The following LRP1B variants were observed in gnomAD, a reference collection of about 807,000 sequenced individuals.
The protein encoded by LRP1B is LDL receptor related protein 1B.
In LRP1B, 217 loss-of-function variants were observed where a neutral mutation model predicts 556.6. The ratio of observed to expected loss-of-function variants is 0.39; its 90% confidence interval spans 0.35 to 0.44. The LOEUF (loss-of-function observed/expected upper bound fraction) is 0.44, where lower values mean the gene tolerates loss of function less well. LRP1B is among the 20% of genes least tolerant of loss of function. The pLI is 1.00. For missense variants in LRP1B, 5,053 were observed against 5,620.8 expected, an observed-to-expected ratio of 0.90 and a Z score of 3.23; for synonymous variants, 2,047 against 1,865.8, an observed-to-expected ratio of 1.10 and a Z score of -2.50.
chr2:140,540,048 A>T (rs1363783444), intron 45 of LRP1B, among the ~76,000 whole-genome samples: 1 of 152,126 alleles, frequency 6.6e-6, no homozygotes, highest in Non-Finnish European at 1.5e-5. Context: ...ACTTGCATTG[A>T]AGAGCAGGTA....
rs1254497924 is a variant in LRP1B, at chr2:141,866,200, CAAT to C, written c.83-55802_83-55800del. 2.6e-5 allele frequency among the ~76,000 whole-genome samples: 4 copies of C among 152,238 alleles called. No individual in the cohort carries two copies. In the East Asian group the frequency reaches 7.7e-4, roughly 29 times the overall value. Reference sequence around the variant, plus strand: ...ATGAATAGAAATCCCTTTCTCTCAGCAATTATGTAGAATACTGTGCTGTCTTTC... The same window carrying C: ...ATGAATAGAAATCCCTTTCTCTCAGCTATGTAGAATACTGTGCTGTCTTTC... On this transcript the variant is annotated intron_variant, in intron 1 of 90. Coordinates refer to ENST00000389484, the MANE Select transcript of LRP1B (RefSeq NM_018557.3).
chr2:140,513,521 T>C (rs2104928183), intron 51 of LRP1B, among the ~76,000 whole-genome samples: 1 of 152,152 alleles, frequency 6.6e-6, no homozygotes, highest in Middle Eastern at 3.4e-3. Context: ...AGCTTTTTGA[T>C]AGTGATCTTT....
intron 1 of LRP1B, among the ~76,000 whole-genome samples, chr2:142,088,353 G>A (rs1706024305): frequency 6.6e-6 from 1 of 152,030 alleles, no homozygotes; most frequent in South Asian, 2.1e-4. Context: ...ACTATTAGTT[G>A]GTTTTAGTAT....
chr2:140,316,432 T>C (rs921253015), intron 82 of LRP1B, among the ~76,000 whole-genome samples: 15 of 152,122 alleles, frequency 9.9e-5, no homozygotes, highest in Admixed American at 9.8e-4. Context: ...AAATAGAAAC[T>C]GTCAGCAGTG....
At chr2:141,035,445 C>T (rs1698504964) in intron 11 of LRP1B, among the ~76,000 whole-genome samples, 1 of 151,878 alleles carries the variant, frequency 6.6e-6, no homozygotes, top group Non-Finnish European at 1.5e-5. Flanking sequence ...TATATTTAGT[C>T]CCTCGTTTCA....
chr2:141,634,913 A>G (rs1689052485), intron 2 of LRP1B, among the ~76,000 whole-genome samples: 1 of 151,976 alleles, frequency 6.6e-6, no homozygotes, highest in Non-Finnish European at 1.5e-5. Flanking sequence ...TTATTATTAG[A>G]GTGGTGGTTA....
At chr2:140,404,716 C>T (rs1288850762) in intron 66 of LRP1B, among the ~76,000 whole-genome samples, 1 of 152,082 alleles carries the variant, frequency 6.6e-6, no homozygotes, top group African/African-American at 2.4e-5. Flanking sequence ...TTCATATAAA[C>T]TCAAGATAAG....
chr2:140,665,611 C>A (rs522410), intron 41 of LRP1B, among the ~76,000 whole-genome samples: 1 of 152,160 alleles, frequency 6.6e-6, no homozygotes, highest in Admixed American at 6.6e-5. Flanking sequence ...TATTGCAGAG[C>A]TTTTGGGGAA....
At chr2:141,697,912 C>T (rs1399424580) in intron 2 of LRP1B, among the ~76,000 whole-genome samples, 1 of 151,928 alleles carries the variant, frequency 6.6e-6, no homozygotes, top group Admixed American at 6.6e-5. Flanking sequence ...TATCATGATG[C>T]TAATGCTAGC....
At chr2:141,330,360 C>CTT (rs76689123) in intron 3 of LRP1B, among the ~76,000 whole-genome samples, 89,400 of 151,766 alleles carry the variant, frequency 0.59, 27,375 homozygotes, top group African/African-American at 0.71. Context: ...GTTAACAACT[C>CTT]ATTAACCAGA....
rs1690765480 is a variant in LRP1B at position 140,532,929 on chromosome 2, G to GATATATATATACATATATATATATATAT, written c.7762+1091_7762+1092insATATATATATATATATGTATATATATAT. 1.6e-4 allele frequency among the ~76,000 whole-genome samples: 8 copies of GATATATATATACATATATATATATATAT among 50,408 alleles called. 1 individual carries two copies. The highest frequency in any genetic ancestry group is 2.0e-3 in the East Asian group (2 of 1,022). The allele number at this position is 50,408 out of a possible 152,430, so 33.1% of individuals were successfully genotyped here. A position where few individuals can be genotyped will look rare whatever the true frequency, so the allele number is the denominator to read the frequency against. Reference sequence around the variant, plus strand: ...TCTTACGTGTGCAATCACAGCACAAGATATATATATATATATATACACATA... The same window carrying GATATATATATACATATATATATATATAT: ...TCTTACGTGTGCAATCACAGCACAAGATATATATATACATATATATATATATATATATATATATATATATATACACATA... On this transcript the variant is annotated intron_variant, in intron 47 of 90. Coordinates refer to ENST00000389484, the MANE Select transcript of LRP1B (RefSeq NM_018557.3).
chr2:142,054,612 G>A (rs1388929832), intron 1 of LRP1B, among the ~76,000 whole-genome samples: 1 of 152,080 alleles, frequency 6.6e-6, no homozygotes, highest in African/African-American at 2.4e-5. Flanking sequence ...AGTCAAATTC[G>A]GCTTGTATTA....
In LRP1B at chr2:140,270,416, ACT is replaced by A. The variant is rs1682404964; in HGVS notation, c.13143-72_13143-71del. ...ACATTATTGCTGAAAGCTGACATAA[ACT>A]CTCTGTGGATGAGAATATTCATCAT... On this transcript the variant is annotated intron_variant, in intron 85 of 90. Coordinates refer to ENST00000389484, the MANE Select transcript of LRP1B (RefSeq NM_018557.3). The A allele has an allele frequency of 6.0e-6, 6 of 997,742 alleles. No individual in the cohort carries two copies. In the African/African-American group the frequency reaches 6.4e-5, roughly 11 times the overall value. The allele number at this position is 997,742 out of a possible 1,614,324, so 61.8% of individuals were successfully genotyped here.
chr2:141,773,200 T>C (rs150703710), intron 2 of LRP1B, among the ~76,000 whole-genome samples: 1 of 152,234 alleles, frequency 6.6e-6, no homozygotes, highest in African/African-American at 2.4e-5. Context: ...GGAGATTGCA[T>C]GATTTAGGGC....
chr2:141,376,250 T>A (rs1689431740), intron 3 of LRP1B, among the ~76,000 whole-genome samples: 1 of 152,198 alleles, frequency 6.6e-6, no homozygotes, highest in Admixed American at 6.5e-5. Flanking sequence ...GGTATCTCCA[T>A]ATATCAAGCC....
chr2:140,497,960 A>G (rs1487185949), intron 55 of LRP1B, among the ~76,000 whole-genome samples: 2 of 151,926 alleles, frequency 1.3e-5, no homozygotes, highest in Non-Finnish European at 2.9e-5. Context: ...GTGTAAAAAG[A>G]AAATGTATTT....
intron 6 of LRP1B, among the ~76,000 whole-genome samples, chr2:141,223,463 C>A (rs1357881972): frequency 6.6e-6 from 1 of 152,140 alleles, no homozygotes; most frequent in Non-Finnish European, 1.5e-5. Flanking sequence ...CTGCCCAAAG[C>A]AGTTTATAGA....
intron 2 of LRP1B, among the ~76,000 whole-genome samples, chr2:141,491,897 T>TAAA (rs1005711594): frequency 5.3e-5 from 8 of 151,990 alleles, no homozygotes; most frequent in African/African-American, 1.7e-4. Context: ...CTCTATAGGC[T>TAAA]AAAATAATAA....
At position 142,101,405 on chromosome 2, in the gene LRP1B, A is replaced by T. The variant is rs149587394; in HGVS notation, c.82+29243T>A. 2.5e-3 allele frequency among the ~76,000 whole-genome samples: 380 copies of T among 152,158 alleles called. 2 individuals carry two copies. Among genetic ancestry groups the T allele is most frequent in the African/African-American group, 8.6e-3 (358 of 41,556 alleles). On this transcript the variant is annotated intron_variant, in intron 1 of 90. Transcript: ENST00000389484. ...AAAATGGAATATAAGACATGTTAGTATGTCTATCTCTCTGCATATGTTACG... is the reference window on the plus strand; with the variant it reads ...AAAATGGAATATAAGACATGTTAGTTTGTCTATCTCTCTGCATATGTTACG...
Sources: allele counts gnomAD v4.1 joint callset (sites outside exome capture counted in the v4.1 genomes callset), GRCh38; gene constraint gnomAD v4.1.1; transcripts MANE v1.5; gene names NCBI Gene and HGNC (gene_info 2026-07-23, HGNC 2026-07-21).